ABCB7: variants seen among roughly 807,000 people sequenced by gnomAD.
ABCB7 encodes the protein iron-sulfur clusters transporter ABCB7, mitochondrial.
Under a neutral mutation model 54.4 loss-of-function variants are expected in ABCB7, and 7 were observed. The observed-to-expected ratio is 0.13, with a 90% CI of 0.07 to 0.24. The LOEUF is 0.24. Among genes scored for constraint, ABCB7 ranks in the 10% least tolerant of loss-of-function variants. The pLI is 1.00. For synonymous variants in ABCB7, 218 were observed against 207.1 expected, an observed-to-expected ratio of 1.05 and a Z score of -0.45; for missense variants, 356 against 570.4, an observed-to-expected ratio of 0.62 and a Z score of 3.83.
chrX:75,125,699 T>A (rs1487532918), intron 1 of ABCB7, among the ~76,000 whole-genome samples: 1 of 111,162 alleles, frequency 9.0e-6, no homozygotes, highest in Non-Finnish European at 1.9e-5. Flanking sequence ...TTCCATTATC[T>A]CCCCGTGGTC....
At chrX:75,146,837 A>C (rs1329781410) in intron 1 of ABCB7, among the ~76,000 whole-genome samples, 2 of 112,061 alleles carry the variant, frequency 1.8e-5, no homozygotes, top group African/African-American at 6.5e-5. Flanking sequence ...ATTAAACTAA[A>C]GAACTTCTGC....
intron 1 of ABCB7, among the ~76,000 whole-genome samples, chrX:75,138,038 A>G (rs2082023952): frequency 8.9e-6 from 1 of 112,082 alleles, no homozygotes; most frequent in Non-Finnish European, 1.9e-5. Context: ...GGAAAGAAAA[A>G]AATAAAAACA....
chrX:75,124,170 CAAAA>C (rs2081904902), intron 1 of ABCB7, among the ~76,000 whole-genome samples: 1 of 111,251 alleles, frequency 9.0e-6, no homozygotes, highest in South Asian at 3.7e-4. Flanking sequence ...CAGAGTAAAA[CAAAA>C]GAAAGTACAA....
chrX:75,069,268 T>C lies in ABCB7; in HGVS notation c.1529+23A>G, dbSNP rs753715122. ...AATCATCAGCCTATAATACAGAATTTTACAAATAACTAAATTACCCACCCT... is the reference window on the plus strand; with the variant it reads ...AATCATCAGCCTATAATACAGAATTCTACAAATAACTAAATTACCCACCCT... On this transcript the variant is annotated intron_variant, in intron 11 of 15. Transcript: ENST00000373394. 2.5e-6 allele frequency: 3 copies of C among 1,208,073 alleles called. No individual in the cohort carries two copies. In the Admixed American group the frequency reaches 6.5e-5, roughly 26 times the overall value.
At chrX:75,122,490 A>C (rs757036017) in intron 1 of ABCB7, among the ~76,000 whole-genome samples, 1 of 113,025 alleles carries the variant, frequency 8.8e-6, no homozygotes, top group South Asian at 3.7e-4. Context: ...ATGGGCATGC[A>C]GACATCTCTT....
chrX:75,143,531 T>C (rs750812495), intron 1 of ABCB7, among the ~76,000 whole-genome samples: 1 of 111,774 alleles, frequency 8.9e-6, no homozygotes, highest in Admixed American at 9.5e-5. Context: ...TTTTCAGTTA[T>C]CTTTTCAGCA....
At chrX:75,117,456 C>T in intron 1 of ABCB7, among the ~76,000 whole-genome samples, 1 of 110,614 alleles carries the variant, frequency 9.0e-6, no homozygotes, top group African/African-American at 3.3e-5. Context: ...AGAGTTTCTC[C>T]TAAGACAGGG....
chrX:75,087,350 T>C (rs1024405767), intron 4 of ABCB7, among the ~76,000 whole-genome samples: 2 of 111,999 alleles, frequency 1.8e-5, no homozygotes, highest in African/African-American at 6.5e-5. Context: ...GAACTGAAGT[T>C]TCTATTCTCA....
intron 1 of ABCB7, among the ~76,000 whole-genome samples, chrX:75,148,901 AG>A: frequency 8.9e-6 from 1 of 111,972 alleles, no homozygotes; most frequent in South Asian, 3.8e-4. Context: ...ACAGTTATTA[AG>A]TCACTACAGT....
rs1325826698 is a variant in ABCB7, at chrX:75,114,743, C to T, written c.246+11G>A. 1 of 1,192,608 alleles carries T rather than the reference C, an allele frequency of 8.4e-7. No homozygotes were observed. Among genetic ancestry groups the T allele is most frequent in the Non-Finnish European group, 1.1e-6 (1 of 882,497 alleles). On this transcript the variant is annotated intron_variant, in intron 2 of 15. Transcript: ENST00000373394. ...TCCTAGCTATATGTAGACATGTTTG[C>T]TCAATCTTACCTTTGCAGCATCTAA...
chrX:75,104,047 G>GTTTTTTTTGTTTTTTTTTTTTTTTTTTTT (rs2081664100), intron 3 of ABCB7, among the ~76,000 whole-genome samples: 2 of 13,443 alleles, frequency 1.5e-4, no homozygotes, highest in Non-Finnish European at 3.5e-4. Context: ...TCTTGTTACA[G>GTTTTTTTTGTTTTTTTTTTTTTTTTTTTT]TTTTTTTTTT....
At chrX:75,109,968 T>C (rs748322618) in intron 3 of ABCB7, among the ~76,000 whole-genome samples, 1 of 111,956 alleles carries the variant, frequency 8.9e-6, no homozygotes, top group South Asian at 3.7e-4. Flanking sequence ...TTTTATTGTG[T>C]TGTTGGAGAG....
intron 15 of ABCB7, among the ~76,000 whole-genome samples, chrX:75,055,536 C>G (rs1394084991): frequency 1.1e-5 from 1 of 90,815 alleles, no homozygotes; most frequent in East Asian, 3.5e-4. Context: ...ATGAGACACC[C>G]CCCCGCCCAT....
At chrX:75,137,997 C>A (rs1037475021) in intron 1 of ABCB7, among the ~76,000 whole-genome samples, 2 of 111,049 alleles carry the variant, frequency 1.8e-5, no homozygotes, top group Admixed American at 9.6e-5. Context: ...ATGTAACAAA[C>A]CTGCTCATGT....
At chrX:75,147,937 G>A (rs779694459) in intron 1 of ABCB7, among the ~76,000 whole-genome samples, 89 of 111,210 alleles carry the variant, frequency 8.0e-4, no homozygotes, top group Middle Eastern at 4.7e-3. Flanking sequence ...CCAACATGGC[G>A]AAACCCTATC....
At chrX:75,118,845 G>A (rs1039663770) in intron 1 of ABCB7, among the ~76,000 whole-genome samples, 3 of 111,514 alleles carry the variant, frequency 2.7e-5, no homozygotes, top group African/African-American at 9.8e-5. Context: ...CCATGGGGAT[G>A]AGCTGATTCC....
chrX:75,147,172 T>C (rs1431492374), intron 1 of ABCB7, among the ~76,000 whole-genome samples: 1 of 110,889 alleles, frequency 9.0e-6, no homozygotes, highest in Non-Finnish European at 1.9e-5. Context: ...AAATAACAGA[T>C]GCTGGTGAGG....
intron 8 of ABCB7, among the ~76,000 whole-genome samples, chrX:75,072,853 AAC>A (rs1341000585): frequency 5.4e-5 from 6 of 111,743 alleles, no homozygotes; most frequent in Non-Finnish European, 1.1e-4. Flanking sequence ...CTTGGCTTAA[AAC>A]ACACATTGTA....
At chrX:75,094,038 A>C (rs1569229093) in intron 4 of ABCB7, among the ~76,000 whole-genome samples, 1 of 91,989 alleles carries the variant, frequency 1.1e-5, no homozygotes, top group African/African-American at 4.3e-5. Flanking sequence ...ATATATATAT[A>C]TATATATATA....
Sources: gnomAD v4.1 joint callset for allele counts (sites outside exome capture counted in the v4.1 genomes callset) on GRCh38, gnomAD v4.1.1 for gene constraint, MANE v1.5 for transcripts, NCBI Gene and HGNC (gene_info 2026-07-23, HGNC 2026-07-21) for gene names.